MALRD1: variants seen among roughly 807,000 people sequenced by gnomAD.
MALRD1 encodes the protein MAM and LDL receptor class A domain containing 1, also known as MAM and LDL-receptor class A domain-containing protein 1.
In MALRD1, 247 loss-of-function variants were observed where a neutral mutation model predicts 242.1. The ratio of observed to expected loss-of-function variants is 1.02; its 90% CI spans 0.92 to 1.13. MALRD1 has a LOEUF of 1.13. MALRD1 is among the 50% of genes most tolerant of loss of function. The probability of loss-of-function intolerance (pLI) is 0.00; values close to 1 mark genes in which losing one functional copy is unlikely to be tolerated. For missense variants in MALRD1, 2,989 were observed against 2,533.1 expected (o/e 1.18, Z -3.86); for synonymous variants, 995 against 866.6 (o/e 1.15, Z -2.60).
At chr10:19,496,877 T>G (rs1262478370) in intron 30 of MALRD1, among the ~76,000 whole-genome samples, 2 of 152,126 alleles carry the variant, frequency 1.3e-5, no homozygotes, top group African/African-American at 4.8e-5. Context: ...AAAATGAAGC[T>G]GTGGAAAGTC....
chr10:19,288,954 G>A (rs1841275418), intron 21 of MALRD1, among the ~76,000 whole-genome samples: 2 of 151,974 alleles, frequency 1.3e-5, no homozygotes, highest in African/African-American at 4.8e-5. Flanking sequence ...TCTTCAGGCT[G>A]ATTTCCCCCC....
At chr10:19,053,591 A>C (rs1444346143) in intron 1 of MALRD1, among the ~76,000 whole-genome samples, 2 of 152,158 alleles carry the variant, frequency 1.3e-5, no homozygotes, top group African/African-American at 4.8e-5. Context: ...TGTGTACCAA[A>C]GTTTTTTTTG....
At chr10:19,133,319 C>T (rs571986710) in intron 8 of MALRD1, among the ~76,000 whole-genome samples, 2 of 152,100 alleles carry the variant, frequency 1.3e-5, no homozygotes, top group South Asian at 2.1e-4. Context: ...GATAGAATGA[C>T]CAAATTAAGA....
intron 21 of MALRD1, among the ~76,000 whole-genome samples, chr10:19,308,389 A>G (rs1206419022): frequency 6.6e-6 from 1 of 151,564 alleles, no homozygotes; most frequent in Admixed American, 6.6e-5. Flanking sequence ...ATCTATACTC[A>G]TTCTACAGTG....
intron 24 of MALRD1, 111 bp from the exon 25 acceptor site, chr10:19,347,660 G>T: frequency 3.2e-6 from 4 of 1,258,230 alleles, no homozygotes; most frequent in Non-Finnish European, 4.4e-6. Context: ...ATAGCATTAT[G>T]AAGGTTTCAA....
chr10:19,598,093 G>A (rs1372126589), intron 34 of MALRD1, among the ~76,000 whole-genome samples: 1 of 152,124 alleles, frequency 6.6e-6, no homozygotes, highest in African/African-American at 2.4e-5. Context: ...ACTTGGATAT[G>A]GGATGGATTG....
chr10:19,224,218 T>C (rs1219433606), intron 18 of MALRD1, among the ~76,000 whole-genome samples: 1 of 152,088 alleles, frequency 6.6e-6, no homozygotes, highest in East Asian at 1.9e-4. Flanking sequence ...TGTTGTTTCC[T>C]GACTTTTTAA....
At position 19,083,657 on chromosome 10, in the gene MALRD1, G is replaced by T. The variant is rs1388232339; in HGVS notation, c.341-4183G>T. On this transcript the variant is annotated intron_variant, in intron 2 of 39. Transcript: ENST00000454679. ...CAGGTCAAATAATACAATTGTTTGA[G>T]AATGAGGCTTTGAAAAAGGTCTAGC... Among the ~76,000 whole-genome samples, 5 of 151,944 alleles carry T rather than the reference G, an allele frequency of 3.3e-5. No homozygotes were observed. In the East Asian group the frequency reaches 5.8e-4, roughly 18 times the overall value.
chr10:19,059,546 G>A (rs936403679), intron 1 of MALRD1, among the ~76,000 whole-genome samples: 7 of 151,740 alleles, frequency 4.6e-5, no homozygotes, highest in South Asian at 4.2e-4. Context: ...GTCACTATAC[G>A]CATCTAATTT....
intron 28 of MALRD1, among the ~76,000 whole-genome samples, chr10:19,411,530 C>T (rs1307596064): frequency 1.3e-5 from 2 of 152,122 alleles, no homozygotes; most frequent in African/African-American, 4.8e-5. Context: ...AAAAAGCTAC[C>T]ATGATCATAC....
chr10:19,486,129 T>A lies in MALRD1; in HGVS notation c.5030-5388T>A, dbSNP rs562058206. On this transcript the variant is annotated intron_variant, in intron 29 of 39. Transcript: ENST00000454679. ...TTGTTTTTTTCTACATTATTATGTATTTAAACTCTTACTATAATAAAATAT... is the reference window on the plus strand; with the variant it reads ...TTGTTTTTTTCTACATTATTATGTAATTAAACTCTTACTATAATAAAATAT... Among the ~76,000 whole-genome samples, 5 of 152,288 alleles carry A rather than the reference T, an allele frequency of 3.3e-5. No individual in the cohort carries two copies. The South Asian group carries it at 1.0e-3, about 32-fold the overall frequency.
At chr10:19,345,421 G>T (rs530036041) in intron 24 of MALRD1, among the ~76,000 whole-genome samples, 4 of 151,878 alleles carry the variant, frequency 2.6e-5, no homozygotes, top group Non-Finnish European at 5.9e-5. Context: ...CTAAGACAGC[G>T]GTTCATATTC....
chr10:19,713,611 G>C (rs1280334328), intron 38 of MALRD1, among the ~76,000 whole-genome samples: 3 of 152,216 alleles, frequency 2.0e-5, no homozygotes, highest in African/African-American at 7.2e-5. Context: ...CAATCACAAA[G>C]ACAGCAGTAC....
At chr10:19,468,148 C>T (rs1465065673) in intron 29 of MALRD1, among the ~76,000 whole-genome samples, 1 of 152,088 alleles carries the variant, frequency 6.6e-6, no homozygotes, top group Non-Finnish European at 1.5e-5. Context: ...AGAGAACATC[C>T]TGTATTCATT....
At chr10:19,297,450 G>A (rs1183685751) in intron 21 of MALRD1, among the ~76,000 whole-genome samples, 1 of 151,950 alleles carries the variant, frequency 6.6e-6, no homozygotes, top group East Asian at 1.9e-4. Context: ...ACGACGGTAA[G>A]AGTAGTGCAG....
chr10:19,338,486 A>G (rs1382656948), intron 24 of MALRD1, among the ~76,000 whole-genome samples: 1 of 146,014 alleles, frequency 6.8e-6, no homozygotes, highest in Non-Finnish European at 1.5e-5. Flanking sequence ...AATTATTTTT[A>G]AAGCTGGATG....
At chr10:19,269,530 C>T (rs560607858) in intron 19 of MALRD1, among the ~76,000 whole-genome samples, 4 of 152,304 alleles carry the variant, frequency 2.6e-5, no homozygotes, top group Admixed American at 2.6e-4. Flanking sequence ...GTCAGGAATC[C>T]TGCAGTCCTT....
At chr10:19,562,200 G>A (rs561585000) in intron 32 of MALRD1, among the ~76,000 whole-genome samples, 42 of 152,204 alleles carry the variant, frequency 2.8e-4, no homozygotes, top group African/African-American at 9.2e-4. Flanking sequence ...GGAGGCTGAG[G>A]CAGAGAATTG....
At chr10:19,198,671 C>G (rs1403197656) in intron 14 of MALRD1, among the ~76,000 whole-genome samples, 1 of 152,124 alleles carries the variant, frequency 6.6e-6, no homozygotes, top group Non-Finnish European at 1.5e-5. Flanking sequence ...AATAACTCTA[C>G]ATTGTCTAGA....
Sources: allele counts gnomAD v4.1 joint callset (sites outside exome capture counted in the v4.1 genomes callset), GRCh38; gene constraint gnomAD v4.1.1; transcripts MANE v1.5; gene names NCBI Gene and HGNC (gene_info 2026-07-23, HGNC 2026-07-21).